The following PM20D2 variants were observed in gnomAD, a reference collection of about 807,000 sequenced individuals.
The protein encoded by PM20D2 is peptidase M20 domain containing 2, also known as xaa-Arg dipeptidase.
In PM20D2, 33 loss-of-function variants were observed where a neutral mutation model predicts 42.9. The observed-to-expected ratio is 0.77, with a 90% confidence interval of 0.58 to 1.03. The LOEUF is 1.03. Among genes scored for constraint, PM20D2 ranks in the 50% least tolerant of loss-of-function variants. The pLI is 0.00. For missense variants in PM20D2, 548 were observed against 557.0 expected, an observed-to-expected ratio of 0.98 and a Z score of 0.16; for synonymous variants, 250 against 228.2, an observed-to-expected ratio of 1.10 and a Z score of -0.86.
the PM20D2 span, among the ~76,000 whole-genome samples, chr6:89,102,939 G>C: frequency 1.3e-5 from 2 of 151,854 alleles, no homozygotes; most frequent in Non-Finnish European, 2.9e-5. Flanking sequence ...ATTTTTTTTA[G>C]TTTTTGTAGA....
chr6:89,126,026 C>T, the PM20D2 span, among the ~76,000 whole-genome samples: 1 of 151,698 alleles, frequency 6.6e-6, no homozygotes, highest in South Asian at 2.1e-4. Flanking sequence ...GTGGAGGTTG[C>T]AGTTAGCTGA....
At chr6:89,098,874 C>G in the PM20D2 span, 5 of 1,613,896 alleles carry the variant, frequency 3.1e-6, no homozygotes, top group Non-Finnish European at 4.2e-6. Flanking sequence ...GACTGCCTTG[C>G]TGAGGTAGAC....
chr6:89,105,349 A>G, the PM20D2 span: 1 of 1,562,394 alleles, frequency 6.4e-7, no homozygotes, highest in Non-Finnish European at 8.7e-7. Flanking sequence ...TTACTGAAAG[A>G]ATTTTAAATT....
At chr6:89,094,011 C>T in the PM20D2 span, among the ~76,000 whole-genome samples, 1 of 143,048 alleles carries the variant, frequency 7.0e-6, no homozygotes, top group Non-Finnish European at 1.5e-5. Flanking sequence ...GCCTCTGCCT[C>T]CCAAGTTCAA....
In PM20D2 at chr6:89,146,097, G is replaced by A; in HGVS notation, c.-48G>A. 4 of 1,366,534 alleles carry A rather than the reference G, an allele frequency of 2.9e-6. No homozygotes were observed. Among genetic ancestry groups the A allele is most frequent in the Non-Finnish European group, 3.8e-6 (4 of 1,062,918 alleles). The allele number at this position is 1,366,534 out of a possible 1,614,324, so 84.7% of individuals were successfully genotyped here. On this transcript the variant is annotated 5_prime_UTR_variant, in exon 1 of 7. Coordinates refer to ENST00000275072, the MANE Select transcript of PM20D2 (RefSeq NM_001010853.3). ...CGTGCGCGGGCGGTCGCTACCTGCGGCCGAGCCAGGGAGCGAGAGGGCGCA... is the reference window on the plus strand; with the variant it reads ...CGTGCGCGGGCGGTCGCTACCTGCGACCGAGCCAGGGAGCGAGAGGGCGCA...
chr6:89,152,625 C>T (rs1414732997), intron 2 of PM20D2, among the ~76,000 whole-genome samples: 1 of 152,100 alleles, frequency 6.6e-6, no homozygotes, highest in Non-Finnish European at 1.5e-5. Flanking sequence ...AATAGTAACT[C>T]CTTTCTGGCT....
At chr6:89,116,721 A>G in the PM20D2 span, among the ~76,000 whole-genome samples, 3 of 151,828 alleles carry the variant, frequency 2.0e-5, no homozygotes, top group Non-Finnish European at 4.4e-5. Context: ...GTTGCAGCCA[A>G]CCAAGATCGG....
At chr6:89,133,257 A>G in the PM20D2 span, among the ~76,000 whole-genome samples, 1 of 151,156 alleles carries the variant, frequency 6.6e-6, no homozygotes, top group African/African-American at 2.5e-5. Flanking sequence ...AAGATAAAAT[A>G]TAAAAATTTA....
At chr6:89,126,589 A>G in the PM20D2 span, among the ~76,000 whole-genome samples, 1 of 147,216 alleles carries the variant, frequency 6.8e-6, no homozygotes, top group Non-Finnish European at 1.5e-5. Context: ...GTGGCAGAGA[A>G]TTGCTTGAAC....
chr6:89,100,405 A>C, the PM20D2 span, among the ~76,000 whole-genome samples: 118 of 152,322 alleles, frequency 7.7e-4, no homozygotes, highest in Non-Finnish European at 1.2e-3. Context: ...CCCAAAACCA[A>C]GCCTTAAGAT....
At chr6:89,152,519 T>C (rs1433485941) in intron 2 of PM20D2, among the ~76,000 whole-genome samples, 4 of 152,212 alleles carry the variant, frequency 2.6e-5, no homozygotes, top group Non-Finnish European at 5.9e-5. Flanking sequence ...TAATAAAATA[T>C]TGGATATTGG....
At chr6:89,104,053 T>C in the PM20D2 span, among the ~76,000 whole-genome samples, 8,155 of 128,956 alleles carry the variant, frequency 0.063, 731 homozygotes, top group African/African-American at 0.2. Flanking sequence ...GCCAGGCTAG[T>C]CTCAAACTCC....
At position 89,165,079 on chromosome 6, in the gene PM20D2, T is replaced by C. The variant is rs181091871; in HGVS notation, c.*2816T>C. The C allele has an allele frequency of 6.6e-6, 1 of 152,106 alleles. No individual in the cohort carries two copies. The highest frequency in any genetic ancestry group is 2.4e-5 in the African/African-American group (1 of 41,522). The allele number at this position is 152,106 out of a possible 1,614,324, so 9.4% of individuals were successfully genotyped here. On this transcript the variant is annotated 3_prime_UTR_variant, in exon 7 of 7. Transcript: ENST00000275072. ...CATCTTGAAAATTTTTGAGGAAGTG[T>C]TTCTGAAATATTTAAAAATACTTAA...
At chr6:89,110,756 C>T in the PM20D2 span, among the ~76,000 whole-genome samples, 1 of 152,004 alleles carries the variant, frequency 6.6e-6, no homozygotes, top group African/African-American at 2.4e-5. Flanking sequence ...GTATGCCTAC[C>T]TTAGCTTCAC....
the PM20D2 span, among the ~76,000 whole-genome samples, chr6:89,136,551 G>C: frequency 6.6e-6 from 1 of 150,534 alleles, no homozygotes; most frequent in African/African-American, 2.5e-5. Flanking sequence ...GGTGGTGGGC[G>C]CCTGTAGTCC....
Position 89,146,058 on chromosome 6 carries a change from G to A in PM20D2, c.-87G>A, listed in dbSNP as rs903881559. ...GCGTGCGCGCTCCGCCGGGGTCCTG[G>A]AGGCCTCTGGGCGCGTGCGCGGGCG... On this transcript the variant is annotated 5_prime_UTR_variant, in exon 1 of 7. Coordinates refer to ENST00000275072, the MANE Select transcript of PM20D2 (RefSeq NM_001010853.3). The A allele has an allele frequency of 7.1e-5, 85 of 1,197,514 alleles. No individual in the cohort carries two copies. The highest frequency in any genetic ancestry group is 2.1e-4 in the Admixed American group (5 of 24,180). 74.2% of individuals were successfully genotyped at this position (1,197,514 alleles called of 1,614,324 possible). A position where few individuals can be genotyped will look rare whatever the true frequency, so the allele number is the denominator to read the frequency against.
At chr6:89,126,989 A>G in the PM20D2 span, among the ~76,000 whole-genome samples, 3 of 152,224 alleles carry the variant, frequency 2.0e-5, no homozygotes, top group Admixed American at 2.0e-4. Context: ...AATAACTGCA[A>G]TGAATTAAAA....
At chr6:89,119,172 C>T in the PM20D2 span, among the ~76,000 whole-genome samples, 1 of 152,242 alleles carries the variant, frequency 6.6e-6, no homozygotes, top group Non-Finnish European at 1.5e-5. Context: ...ATTGCTCTGG[C>T]ACTGCAGGCA....
the PM20D2 span, chr6:89,097,263 A>C: frequency 9.9e-5 from 15 of 152,186 alleles, no homozygotes; most frequent in African/African-American, 3.6e-4. Flanking sequence ...TGTAAGTCAC[A>C]AAGTATACAA....
Sources: allele counts gnomAD v4.1 joint callset (sites outside exome capture counted in the v4.1 genomes callset), GRCh38; gene constraint gnomAD v4.1.1; transcripts MANE v1.5; gene names NCBI Gene and HGNC (gene_info 2026-07-23, HGNC 2026-07-21).